The following TUSC3 variants were observed in gnomAD, a reference collection of about 807,000 sequenced individuals.
The protein encoded by TUSC3 is tumor suppressor candidate 3, also known as dolichyl-diphosphooligosaccharide--protein glycosyltransferase subunit TUSC3.
Under a neutral mutation model 44.8 loss-of-function variants are expected in TUSC3, and 45 were observed. The ratio of observed to expected loss-of-function variants is 1.00; its 90% CI spans 0.79 to 1.29. The LOEUF is 1.29. TUSC3 is among the 50% of genes most tolerant of loss of function. TUSC3 has a pLI of 0.00. For synonymous variants in TUSC3, 212 were observed against 152.9 expected (o/e 1.39, Z -2.85); for missense variants, 519 against 437.9 (o/e 1.19, Z -1.65).
the TUSC3 span, among the ~76,000 whole-genome samples, chr8:15,835,584 T>A: frequency 7.9e-5 from 12 of 152,194 alleles, no homozygotes. Flanking sequence ...ATCTTGTTGA[T>A]AAGTTCAAGT....
the TUSC3 span, among the ~76,000 whole-genome samples, chr8:15,820,869 C>A: frequency 6.6e-6 from 1 of 152,100 alleles, no homozygotes; most frequent in African/African-American, 2.4e-5. Context: ...AAATCAAAAT[C>A]ATAACATTAC....
chr8:15,657,086 C>T (rs1452590092), intron 3 of TUSC3, among the ~76,000 whole-genome samples: 1 of 152,172 alleles, frequency 6.6e-6, no homozygotes, highest in Non-Finnish European at 1.5e-5. Flanking sequence ...GAAATGCCTT[C>T]AGGGTCTTTC....
intron 2 of TUSC3, among the ~76,000 whole-genome samples, chr8:15,513,652 C>G (rs62502477): frequency 6.6e-6 from 1 of 152,078 alleles, no homozygotes; most frequent in East Asian, 1.9e-4. Flanking sequence ...AAAAACTCAT[C>G]TTAGATAAAT....
chr8:15,553,285 C>A (rs2129137336), intron 1 of TUSC3, among the ~76,000 whole-genome samples: 1 of 151,732 alleles, frequency 6.6e-6, no homozygotes, highest in Middle Eastern at 3.4e-3. Flanking sequence ...AATCACCCAG[C>A]CAGAGCACTT....
the TUSC3 span, among the ~76,000 whole-genome samples, chr8:15,790,633 C>G: frequency 6.6e-6 from 1 of 152,060 alleles, no homozygotes; most frequent in Admixed American, 6.6e-5. Context: ...GTAAGCCCTG[C>G]CAGTCTCCTA....
intron 6 of TUSC3, among the ~76,000 whole-genome samples, chr8:15,713,690 G>A (rs1302718237): frequency 6.6e-6 from 1 of 151,982 alleles, no homozygotes; most frequent in African/African-American, 2.4e-5. Flanking sequence ...CTCAGTGCAT[G>A]TCTGTGTCTT....
chr8:15,659,960 A>T (rs1234636373), intron 4 of TUSC3, among the ~76,000 whole-genome samples: 1 of 152,060 alleles, frequency 6.6e-6, no homozygotes, highest in Non-Finnish European at 1.5e-5. Context: ...AAAAAGCAAG[A>T]TATATAATTT....
chr8:15,796,221 T>G, the TUSC3 span, among the ~76,000 whole-genome samples: 2 of 152,178 alleles, frequency 1.3e-5, no homozygotes, highest in Non-Finnish European at 2.9e-5. Flanking sequence ...ATCTGGGTGG[T>G]GCAAGCTGAG....
At chr8:15,770,981 G>A (rs1163828142), downstream of TUSC3, among the ~76,000 whole-genome samples, 1 of 152,122 alleles carries the variant, frequency 6.6e-6, no homozygotes, top group Admixed American at 6.5e-5. Flanking sequence ...AAATAAAACT[G>A]TCAAGAGATC....
the TUSC3 span, among the ~76,000 whole-genome samples, chr8:15,816,130 G>C: frequency 2.0e-5 from 3 of 152,156 alleles, no homozygotes. Context: ...AACTGTCTTT[G>C]GACAAATGTA....
intron 7 of TUSC3, among the ~76,000 whole-genome samples, chr8:15,732,493 AG>A (rs2129208895): frequency 6.6e-6 from 1 of 152,254 alleles, no homozygotes; most frequent in South Asian, 2.1e-4. Context: ...AAATTACCCA[AG>A]CTCATGTATA....
chr8:15,581,766 T>G (rs1296409714), intron 1 of TUSC3, among the ~76,000 whole-genome samples: 2,171 of 138,916 alleles, frequency 0.016, 50 homozygotes, highest in African/African-American at 0.055. Context: ...TACTGCTGTC[T>G]TTTTGTTTGT....
intron 2 of TUSC3, among the ~76,000 whole-genome samples, chr8:15,487,335 C>T (rs975135493): frequency 6.6e-6 from 1 of 152,140 alleles, no homozygotes; most frequent in African/African-American, 2.4e-5. Flanking sequence ...TTTATTTCCT[C>T]CTTCTGCTGT....
intron 1 of TUSC3, among the ~76,000 whole-genome samples, chr8:15,465,146 C>G (rs1291024386): frequency 1.3e-5 from 2 of 152,170 alleles, no homozygotes; most frequent in Admixed American, 6.5e-5. Context: ...TGTGCCTGGT[C>G]AAAGACTTCT....
intron 9 of TUSC3, among the ~76,000 whole-genome samples, chr8:15,752,544 C>T (rs941348224): frequency 6.6e-6 from 1 of 151,874 alleles, no homozygotes; most frequent in Non-Finnish European, 1.5e-5. Flanking sequence ...GGGATTTTTT[C>T]CAGAACATCA....
intron 2 of TUSC3, among the ~76,000 whole-genome samples, chr8:15,528,604 C>T (rs552868347): frequency 6.6e-6 from 1 of 152,198 alleles, no homozygotes; most frequent in East Asian, 1.9e-4. Flanking sequence ...TGCTTTTCAC[C>T]TGGCTTCACG....
intron 1 of TUSC3, among the ~76,000 whole-genome samples, chr8:15,439,603 G>A (rs1292788748): frequency 6.6e-6 from 1 of 152,158 alleles, no homozygotes; most frequent in Non-Finnish European, 1.5e-5. Context: ...AGGGCAAATG[G>A]AAGTCATACA....
intron 6 of TUSC3, among the ~76,000 whole-genome samples, chr8:15,697,869 T>A (rs1809238185): frequency 6.6e-6 from 1 of 152,190 alleles, no homozygotes; most frequent in Non-Finnish European, 1.5e-5. Context: ...ATTTGTGAAA[T>A]TATTTCTAGC....
intron 5 of TUSC3, among the ~76,000 whole-genome samples, chr8:15,664,651 C>G (rs549405148): frequency 7.0e-4 from 104 of 149,526 alleles, no homozygotes; most frequent in Admixed American, 2.3e-3. Flanking sequence ...AAACACTACA[C>G]TGATAATATA....
Sources: gnomAD v4.1 joint callset for allele counts (sites outside exome capture counted in the v4.1 genomes callset) on GRCh38, gnomAD v4.1.1 for gene constraint, MANE v1.5 for transcripts, NCBI Gene and HGNC (gene_info 2026-07-23, HGNC 2026-07-21) for gene names.